MEMO1: variants seen among roughly 807,000 people sequenced by gnomAD.
The protein encoded by MEMO1 is protein MEMO1.
Under a neutral mutation model 45.2 loss-of-function variants are expected in MEMO1, and 6 were observed. The observed-to-expected ratio is 0.13, with a 90% CI of 0.07 to 0.26. MEMO1 has a LOEUF of 0.26. Ranked by LOEUF, MEMO1 falls within the 10% of genes least tolerant of loss-of-function variation. MEMO1 has a pLI of 1.00. For synonymous variants in MEMO1, 78 were observed against 124.3 expected, an observed-to-expected ratio of 0.63 and a Z score of 2.48; for missense variants, 184 against 370.5, an observed-to-expected ratio of 0.50 and a Z score of 4.13.
chr2:31,933,348 A>AAAATATATATATATATATAT (rs1558514269), intron 3 of MEMO1, among the ~76,000 whole-genome samples: 4 of 16,170 alleles, frequency 2.5e-4, no homozygotes, highest in Non-Finnish European at 3.1e-4. Context: ...AAAAAAAAAA[A>AAAATATATATATATATATAT]ATTTATATAT....
chr2:31,870,316 G>C (rs564703416), intron 8 of MEMO1, among the ~76,000 whole-genome samples: 3 of 152,178 alleles, frequency 2.0e-5, no homozygotes, highest in African/African-American at 7.2e-5. Flanking sequence ...GTGAAAATTT[G>C]TGTATGAAAC....
intron 2 of MEMO1, among the ~76,000 whole-genome samples, chr2:31,977,277 G>A (rs1320324259): frequency 6.6e-6 from 1 of 152,146 alleles, no homozygotes; most frequent in East Asian, 1.9e-4. Flanking sequence ...CTCATTTTCT[G>A]TGTAGACAGA....
chr2:31,943,735 T>C (rs962455520), intron 2 of MEMO1, among the ~76,000 whole-genome samples: 10 of 152,228 alleles, frequency 6.6e-5, no homozygotes, highest in African/African-American at 2.2e-4. Context: ...GAATATGTTA[T>C]AGAGCACCAA....
chr2:31,999,602 T>TA (rs1223972456), intron 2 of MEMO1, among the ~76,000 whole-genome samples: 1 of 152,046 alleles, frequency 6.6e-6, no homozygotes, highest in African/African-American at 2.4e-5. Context: ...CACGGGAGGT[T>TA]AAGGTTTCAA....
At chr2:31,970,389 T>TA (rs1035810805) in intron 2 of MEMO1, among the ~76,000 whole-genome samples, 4 of 152,226 alleles carry the variant, frequency 2.6e-5, no homozygotes, top group Non-Finnish European at 5.9e-5. Flanking sequence ...GTAGCTTGTT[T>TA]AAAGGACATA....
chr2:31,963,530 C>T (rs773053988), intron 2 of MEMO1, among the ~76,000 whole-genome samples: 39 of 152,146 alleles, frequency 2.6e-4, no homozygotes, highest in Non-Finnish European at 5.3e-4. Flanking sequence ...ATTATTTATC[C>T]TTTTTCTATA....
chr2:31,990,276 T>G (rs1013360749), intron 2 of MEMO1, among the ~76,000 whole-genome samples: 1 of 152,152 alleles, frequency 6.6e-6, no homozygotes, highest in African/African-American at 2.4e-5. Context: ...TTAAAGATAT[T>G]TGCAAAACTA....
At chr2:31,910,187 A>C (rs1002167059) in intron 6 of MEMO1, among the ~76,000 whole-genome samples, 3 of 152,140 alleles carry the variant, frequency 2.0e-5, no homozygotes, top group Non-Finnish European at 2.9e-5. Context: ...AGAAGAAATA[A>C]AGCTTTTGTT....
intron 2 of MEMO1, chr2:31,963,196 T>C (rs1668228250): frequency 6.5e-7 from 1 of 1,547,444 alleles, no homozygotes; most frequent in African/African-American, 1.4e-5. Context: ...GGTCTCCAGC[T>C]TGCTGACTGC....
intron 2 of MEMO1, among the ~76,000 whole-genome samples, chr2:32,001,031 GATT>G (rs1673239464): frequency 8.2e-6 from 1 of 121,878 alleles, no homozygotes; most frequent in Non-Finnish European, 1.7e-5. Context: ...CATAAATTTT[GATT>G]TTTTTTTTTT....
chr2:32,010,306 G>GGCA, intron 1 of MEMO1, 42 bp from the exon 2 acceptor site: 1 of 1,165,298 alleles, frequency 8.6e-7, no homozygotes, highest in Non-Finnish European at 1.2e-6. Context: ...CGGCGGCGGC[G>GGCA]GCAGGAGCGG....
intron 4 of MEMO1, chr2:31,923,748 T>A: frequency 2.6e-6 from 4 of 1,528,586 alleles, no homozygotes; most frequent in Non-Finnish European, 3.5e-6. Flanking sequence ...AAACACACAG[T>A]CAAAATATGA....
intron 2 of MEMO1, among the ~76,000 whole-genome samples, chr2:31,998,421 T>C (rs1370897714): frequency 6.6e-6 from 1 of 152,190 alleles, no homozygotes; most frequent in African/African-American, 2.4e-5. Context: ...CTCTTCATGT[T>C]GGAATGTTCT....
chr2:31,956,015 C>T (rs988834061), intron 2 of MEMO1, among the ~76,000 whole-genome samples: 1 of 152,194 alleles, frequency 6.6e-6, no homozygotes, highest in Non-Finnish European at 1.5e-5. Flanking sequence ...GGGTCCAGTA[C>T]TCTAGTGAGG....
intron 6 of MEMO1, among the ~76,000 whole-genome samples, chr2:31,906,130 T>C (rs760012724): frequency 6.6e-6 from 1 of 151,454 alleles, no homozygotes; most frequent in East Asian, 2.0e-4. Flanking sequence ...CACCCACACC[T>C]GGCTAATTTT....
intron 2 of MEMO1, among the ~76,000 whole-genome samples, chr2:31,970,221 C>G (rs1669214701): frequency 1.3e-5 from 2 of 152,084 alleles, no homozygotes. Context: ...TCCGCCACCT[C>G]GGCCTCCCAA....
At chr2:31,881,703 C>G (rs1437666581) in intron 8 of MEMO1, among the ~76,000 whole-genome samples, 1 of 151,884 alleles carries the variant, frequency 6.6e-6, no homozygotes, top group Non-Finnish European at 1.5e-5. Flanking sequence ...GGCTCCAGGC[C>G]ATAAAGTTCA....
At chr2:31,989,529 A>C (rs1393974899) in intron 2 of MEMO1, among the ~76,000 whole-genome samples, 1 of 152,246 alleles carries the variant, frequency 6.6e-6, no homozygotes, top group Non-Finnish European at 1.5e-5. Context: ...AATTCCTGCA[A>C]GGAAAAAAGA....
chr2:31,988,784 T>C (rs1248719870), intron 2 of MEMO1, among the ~76,000 whole-genome samples: 1 of 152,244 alleles, frequency 6.6e-6, no homozygotes, highest in African/African-American at 2.4e-5. Flanking sequence ...GGTAGAAAGA[T>C]GGCTGTCTCA....
Sources: gnomAD v4.1 joint callset for allele counts (sites outside exome capture counted in the v4.1 genomes callset) on GRCh38, gnomAD v4.1.1 for gene constraint, MANE v1.5 for transcripts, NCBI Gene and HGNC (gene_info 2026-07-23, HGNC 2026-07-21) for gene names.